The following MAD1L1 variants were observed in gnomAD, a reference collection of about 807,000 sequenced individuals.
MAD1L1 encodes mitotic spindle assembly checkpoint protein MAD1.
A neutral mutation model predicts 96.9 loss-of-function variants in MAD1L1; 95 were observed. The observed-to-expected ratio is 0.98, with a 90% CI of 0.83 to 1.16. The LOEUF (loss-of-function observed/expected upper bound fraction) is 1.16, where lower values mean the gene tolerates loss of function less well. Ranked by LOEUF, MAD1L1 falls within the 50% of genes most tolerant of loss-of-function variation. The pLI is 0.00. For synonymous variants in MAD1L1, 473 were observed against 396.6 expected, an observed-to-expected ratio of 1.19 and a Z score of -2.29; for missense variants, 1,007 against 954.4, an observed-to-expected ratio of 1.06 and a Z score of -0.73.
intron 18 of MAD1L1, among the ~76,000 whole-genome samples, chr7:1,854,911 C>T (rs908706164): frequency 2.6e-5 from 4 of 152,344 alleles, no homozygotes; most frequent in South Asian, 2.1e-4. Flanking sequence ...GGGCAAGTCC[C>T]GTGAGGCCCA....
At chr7:2,220,760 T>TATAC in intron 5 of MAD1L1, 1 of 1,076,732 alleles carries the variant, frequency 9.3e-7, no homozygotes, top group East Asian at 2.7e-5. Flanking sequence ...CCACAATATG[T>TATAC]ACGGTTTACT....
intron 11 of MAD1L1, among the ~76,000 whole-genome samples, chr7:2,077,386 G>A (rs193199787): frequency 2.0e-5 from 3 of 152,256 alleles, no homozygotes; most frequent in African/African-American, 7.2e-5. Flanking sequence ...AGCCTTGAGC[G>A]ACTGAGTCAT....
At chr7:1,935,484 C>T (rs1201101790) in intron 17 of MAD1L1, among the ~76,000 whole-genome samples, 2 of 152,198 alleles carry the variant, frequency 1.3e-5, no homozygotes, top group African/African-American at 2.4e-5. Flanking sequence ...CCCTACCTGC[C>T]GGCAGGGTGC....
chr7:2,128,310 T>C lies in MAD1L1; in HGVS notation c.1073+20842A>G, dbSNP rs369089834. 2.0e-4 allele frequency among the ~76,000 whole-genome samples: 31 copies of C among 152,228 alleles called. No homozygotes were observed. The East Asian group carries it at 5.8e-3, about 29-fold the overall frequency. On this transcript the variant is annotated intron_variant, in intron 11 of 18. Coordinates refer to ENST00000265854, the MANE Select transcript of MAD1L1 (RefSeq NM_001013836.2). ...TCTCCCAAACAGCACTACTGAAACC[T>C]GGCAGGGCCATCCATGCCTAGAGTC...
At chr7:2,101,076 G>A (rs1172713584) in intron 11 of MAD1L1, among the ~76,000 whole-genome samples, 1 of 152,232 alleles carries the variant, frequency 6.6e-6, no homozygotes. Context: ...CTGCCAATTT[G>A]TTTTCAACGG....
In MAD1L1 at chr7:2,183,209, C is replaced by A. The variant is rs1377218941; in HGVS notation, c.986+30003G>T. ...GCCTGGGTGACAGAGCAAGACTCTG[C>A]CTCAAAAAAAAAAAAAAGAACAACA... is the stretch of plus-strand genomic sequence containing the variant. On this transcript the variant is annotated intron_variant, in intron 10 of 18. Coordinates refer to ENST00000265854, the MANE Select transcript of MAD1L1 (RefSeq NM_001013836.2). Among the ~76,000 whole-genome samples, 3 of 149,156 alleles carry A rather than the reference C, an allele frequency of 2.0e-5. No homozygotes were observed. In the East Asian group the frequency reaches 5.8e-4, roughly 29 times the overall value.
intron 12 of MAD1L1, among the ~76,000 whole-genome samples, chr7:2,068,963 C>T (rs910826616): frequency 6.6e-6 from 1 of 152,144 alleles, no homozygotes; most frequent in Non-Finnish European, 1.5e-5. Context: ...CACTGAGATG[C>T]TGGAGGAACT....
chr7:1,878,805 T>C (rs1350534457), intron 18 of MAD1L1, among the ~76,000 whole-genome samples: 1 of 146,912 alleles, frequency 6.8e-6, no homozygotes, highest in Non-Finnish European at 1.5e-5. Context: ...TAAGGAAATA[T>C]AAGGCATAAA....
At chr7:2,107,227 A>G (rs1262222704) in intron 11 of MAD1L1, among the ~76,000 whole-genome samples, 2 of 152,140 alleles carry the variant, frequency 1.3e-5, no homozygotes, top group African/African-American at 2.4e-5. Flanking sequence ...GGACAGTCAG[A>G]GTTGGTGAGG....
chr7:2,032,521 C>T (rs1334812152), intron 12 of MAD1L1, among the ~76,000 whole-genome samples: 3 of 152,242 alleles, frequency 2.0e-5, no homozygotes, highest in Non-Finnish European at 2.9e-5. Context: ...GCTCTGACAT[C>T]AGGGTCCTTC....
chr7:2,128,114 G>A (rs1297617029), intron 11 of MAD1L1, among the ~76,000 whole-genome samples: 1 of 152,224 alleles, frequency 6.6e-6, no homozygotes, highest in Non-Finnish European at 1.5e-5. Flanking sequence ...ATCCCCTGTT[G>A]AGGAGCTGCT....
intron 10 of MAD1L1, among the ~76,000 whole-genome samples, chr7:2,194,723 T>G (rs1458805680): frequency 6.6e-6 from 1 of 152,092 alleles, no homozygotes; most frequent in Non-Finnish European, 1.5e-5. Context: ...TTACAGAAAC[T>G]CAAAGAAAAC....
intron 18 of MAD1L1, among the ~76,000 whole-genome samples, chr7:1,869,055 C>T (rs1226582285): frequency 6.6e-6 from 1 of 152,160 alleles, no homozygotes; most frequent in Non-Finnish European, 1.5e-5. Flanking sequence ...CGAATGGCAC[C>T]GACGCAACTG....
chr7:1,978,068 T>C (rs1343801560), intron 15 of MAD1L1, among the ~76,000 whole-genome samples: 1 of 152,214 alleles, frequency 6.6e-6, no homozygotes, highest in Non-Finnish European at 1.5e-5. Flanking sequence ...GTGCACGGCC[T>C]CTCCCCCTGC....
At chr7:1,897,216 T>C (rs1054880115) in intron 18 of MAD1L1, among the ~76,000 whole-genome samples, 7 of 87,344 alleles carry the variant, frequency 8.0e-5, no homozygotes, top group East Asian at 2.3e-4. Flanking sequence ...CTGACGGACA[T>C]GCGTAGGCCG....
chr7:2,191,254 G>C (rs979392612), intron 10 of MAD1L1, among the ~76,000 whole-genome samples: 1 of 152,132 alleles, frequency 6.6e-6, no homozygotes, highest in Non-Finnish European at 1.5e-5. Flanking sequence ...AAGTACGCTG[G>C]GAGCCTGTTA....
rs1270819322 is a variant in MAD1L1, at chr7:1,842,549, C to A, written c.1999-26321G>T. Among the ~76,000 whole-genome samples the A allele has an allele frequency of 2.0e-5, 3 of 152,286 alleles. 1 individual carries two copies. Among genetic ancestry groups the A allele is most frequent in the African/African-American group, 7.2e-5 (3 of 41,478 alleles). On this transcript the variant is annotated intron_variant, in intron 18 of 18. Coordinates refer to ENST00000265854, the MANE Select transcript of MAD1L1 (RefSeq NM_001013836.2). ...CAATGCCGCGTGCTCACTGGCCCCC[C>A]AGGCCTGTCCCAGGCGAGCTGAGTA...
At chr7:1,965,446 G>A (rs1780124003) in intron 15 of MAD1L1, among the ~76,000 whole-genome samples, 3 of 152,316 alleles carry the variant, frequency 2.0e-5, no homozygotes, top group African/African-American at 4.8e-5. Flanking sequence ...AGGGAACATC[G>A]TGGCTCTTCT....
chr7:2,099,661 T>C (rs1786677405), intron 11 of MAD1L1, among the ~76,000 whole-genome samples: 3 of 152,190 alleles, frequency 2.0e-5, no homozygotes, highest in Non-Finnish European at 4.4e-5. Context: ...TTCATTTCTC[T>C]TCTCTTCAAA....
Sources: allele counts gnomAD v4.1 joint callset (sites outside exome capture counted in the v4.1 genomes callset), GRCh38; gene constraint gnomAD v4.1.1; transcripts MANE v1.5; gene names NCBI Gene and HGNC (gene_info 2026-07-23, HGNC 2026-07-21).